The following PDXK variants were observed in gnomAD, a reference collection of about 807,000 sequenced individuals.
The protein encoded by PDXK is epididymis secretory sperm binding protein Li 1a.
A neutral mutation model predicts 43.2 loss-of-function variants in PDXK; 15 were observed. The observed-to-expected ratio is 0.35, with a 90% CI of 0.23 to 0.53. The LOEUF (loss-of-function observed/expected upper bound fraction) is 0.53. Among genes scored for constraint, PDXK ranks in the 20% least tolerant of loss-of-function variants. The pLI is 0.92. For missense variants in PDXK, 343 were observed against 417.0 expected, an observed-to-expected ratio of 0.82 and a Z score of 1.54; for synonymous variants, 172 against 165.4, an observed-to-expected ratio of 1.04 and a Z score of -0.31.
chr21:43,733,618 G>A, intron 1 of PDXK: 1 of 1,039,854 alleles, frequency 9.6e-7, no homozygotes, highest in Non-Finnish European at 1.2e-6. Context: ...GGAGCCCTTG[G>A]CCTGACTTCT....
chr21:43,741,592 G>A lies in PDXK; in HGVS notation c.143-75G>A, dbSNP rs551690341. 328 of 1,581,848 alleles carry A rather than the reference G, an allele frequency of 2.1e-4. 1 individual carries two copies. In the African/African-American group the frequency reaches 4.0e-3, roughly 19 times the overall value. Reference sequence around the variant, plus strand: ...CACCAGGCAGCCTCAGGGAGAGTGGGCGGGTGTCAAGGGAAGCCCACGGCC... The same window carrying A: ...CACCAGGCAGCCTCAGGGAGAGTGGACGGGTGTCAAGGGAAGCCCACGGCC... On this transcript the variant is annotated intron_variant, in intron 2 of 10. Coordinates refer to ENST00000291565, the MANE Select transcript of PDXK (RefSeq NM_003681.5).
At position 43,732,125 on chromosome 21, in the gene PDXK, C is replaced by T; in HGVS notation, c.88-1944C>T. The T allele has an allele frequency of 7.5e-7, 1 of 1,337,440 alleles. No individual in the cohort carries two copies. The highest frequency in any genetic ancestry group is 9.6e-7 in the Non-Finnish European group (1 of 1,043,238). The allele number at this position is 1,337,440 out of a possible 1,614,324, so 82.8% of individuals were successfully genotyped here. A position where few individuals can be genotyped will look rare whatever the true frequency, so the allele number is the denominator to read the frequency against. On this transcript the variant is annotated intron_variant, in intron 1 of 10. Transcript: ENST00000291565. This position sits in a 1 kb window ranked among gnomAD's most constrained non-coding sequence, Gnocchi z 4.1. ...AAGAAGAGCACTGCTGACAGAAGCC[C>T]ATTCTCTTCGCAGGCTTCAGTTTCA...
chr21:43,751,554 AAAAACAAAAC>A (rs921854601), intron 7 of PDXK, among the ~76,000 whole-genome samples: 56 of 152,330 alleles, frequency 3.7e-4, no homozygotes, highest in Middle Eastern at 6.8e-3. Flanking sequence ...CTCCATCTCA[AAAAACAAAAC>A]AAAACAAAAC....
At chr21:43,748,033 C>T (rs1018668683) in intron 5 of PDXK, among the ~76,000 whole-genome samples, 1 of 152,218 alleles carries the variant, frequency 6.6e-6, no homozygotes, top group African/African-American at 2.4e-5. Flanking sequence ...GACATGCCTC[C>T]TGTGGGGCCT....
intron 9 of PDXK, 34 bp from the exon 10 acceptor site, chr21:43,755,664 G>T: frequency 4.5e-6 from 7 of 1,570,374 alleles, no homozygotes; most frequent in Non-Finnish European, 6.1e-6. Context: ...GTTGTGAGTG[G>T]GCCAGGGGCA....
At chr21:43,726,870 T>C (rs548948176) in intron 1 of PDXK, among the ~76,000 whole-genome samples, 1 of 152,214 alleles carries the variant, frequency 6.6e-6, no homozygotes, top group African/African-American at 2.4e-5. Flanking sequence ...TGTGTGTGTA[T>C]GTGGGTGTGC....
chr21:43,740,011 C>T (rs1312211078), intron 2 of PDXK, among the ~76,000 whole-genome samples: 2 of 151,912 alleles, frequency 1.3e-5, no homozygotes, highest in African/African-American at 2.4e-5. Flanking sequence ...ACCTGCCCCT[C>T]CTGACCCCAG....
rs538130314 is a variant in PDXK, at chr21:43,755,300, C to T, written c.760-398C>T. Among the ~76,000 whole-genome samples the T allele has an allele frequency of 7.2e-5, 11 of 152,198 alleles. No homozygotes were observed. In the South Asian group the frequency reaches 2.3e-3, roughly 32 times the overall value. On this transcript the variant is annotated intron_variant, in intron 9 of 10. Transcript: ENST00000291565. ...TGAGGCATCACTGAGTGATGATTGG[C>T]TGACTCTGAGGCATCACTGAGTGAT...
chr21:43,719,979 C>G, intron 1 of PDXK: 1 of 940,360 alleles, frequency 1.1e-6, no homozygotes, highest in Non-Finnish European at 1.3e-6. Context: ...AGGGGCTGCT[C>G]TGCACCCTCT....
At position 43,750,920 on chromosome 21, in the gene PDXK, A is replaced by G. The variant is rs2876906; in HGVS notation, c.510+375A>G. 3.6e-3 allele frequency among the ~76,000 whole-genome samples: 362 copies of G among 100,988 alleles called. 1 individual carries two copies. The highest frequency in any genetic ancestry group is 0.011 in the African/African-American group (305 of 27,944). The allele number at this position is 100,988 out of a possible 152,430, so 66.3% of individuals were successfully genotyped here. On this transcript the variant is annotated intron_variant, in intron 7 of 10. Coordinates refer to ENST00000291565, the MANE Select transcript of PDXK (RefSeq NM_003681.5). ...GGCATGGGTGTGCACGCATGTGTGC[A>G]TGTGTGTGCGTATGTGTGCACGTGT...
chr21:43,755,776 G>A lies in PDXK; in HGVS notation c.826+12G>A, dbSNP rs560080145. ...CCAGTGTGCAAAAGGTACGGCGGCC[G>A]GGCTGCATGGGCTGCGTGGGCTCCT... is the stretch of plus-strand genomic sequence containing the variant. On this transcript the variant is annotated intron_variant, in intron 10 of 10. Transcript: ENST00000291565. The A allele has an allele frequency of 3.0e-5, 48 of 1,609,510 alleles. No homozygotes were observed. The South Asian group carries it at 3.7e-4, about 13-fold the overall frequency.
intron 1 of PDXK, among the ~76,000 whole-genome samples, chr21:43,731,417 T>G (rs2083316291): frequency 6.6e-6 from 1 of 152,154 alleles, no homozygotes; most frequent in Non-Finnish European, 1.5e-5. Flanking sequence ...TGCCCGAGGG[T>G]GAGCGGGGTC....
chr21:43,755,496 T>C (rs996283456), intron 9 of PDXK: 2 of 592,454 alleles, frequency 3.4e-6, no homozygotes, highest in African/African-American at 3.7e-5. Flanking sequence ...ACCGGGCATC[T>C]GCTCAGCCCT....
Position 43,732,319 on chromosome 21 carries a change from C to T in PDXK, c.88-1750C>T. The T allele has an allele frequency of 6.2e-7, 1 of 1,603,794 alleles. No individual in the cohort carries two copies. Among genetic ancestry groups the T allele is most frequent in the South Asian group, 1.1e-5 (1 of 90,110 alleles). ...CAGGCTCCCGTCCTGGACCTTGGCACCCCGCCCCCCGTGCATTGTCGTCTT... is the reference window on the plus strand; with the variant it reads ...CAGGCTCCCGTCCTGGACCTTGGCATCCCGCCCCCCGTGCATTGTCGTCTT... On this transcript the variant is annotated intron_variant, in intron 1 of 10. Transcript: ENST00000291565. The surrounding 1 kb of genome is among the most constrained non-coding windows in gnomAD (Gnocchi z 4.1).
intron 4 of PDXK, among the ~76,000 whole-genome samples, chr21:43,745,419 C>CA (rs112185301): frequency 1.6e-3 from 163 of 99,774 alleles, no homozygotes; most frequent in South Asian, 3.1e-3. Flanking sequence ...GACTCCATCT[C>CA]AAAAAAAAAA....
At position 43,761,253 on chromosome 21, in the gene PDXK, G is replaced by C. The variant is rs1183504452; in HGVS notation, c.*5190G>C. On this transcript the variant is annotated 3_prime_UTR_variant, in exon 11 of 11. Transcript: ENST00000291565. ...GTGGGAACAGCACCCCCAAATGCCA[G>C]CCTCTCCTTTCTTCCCATCCACCAG... The C allele has an allele frequency of 2.0e-5, 3 of 152,236 alleles. No homozygotes were observed. The highest frequency in any genetic ancestry group is 7.2e-5 in the African/African-American group (3 of 41,440). The allele number at this position is 152,236 out of a possible 1,614,324, so 9.4% of individuals were successfully genotyped here. A position where few individuals can be genotyped will look rare whatever the true frequency, so the allele number is the denominator to read the frequency against.
At position 43,758,365 on chromosome 21, in the gene PDXK, G is replaced by A. The variant is rs761826707; in HGVS notation, c.*2302G>A. On this transcript the variant is annotated 3_prime_UTR_variant, in exon 11 of 11. Coordinates refer to ENST00000291565, the MANE Select transcript of PDXK (RefSeq NM_003681.5). ...CCGAACCAGGAGAGGCCTGGGCTGCGACTAAGGAGAAAGAAATCGGGGGTT... is the reference window on the plus strand; with the variant it reads ...CCGAACCAGGAGAGGCCTGGGCTGCAACTAAGGAGAAAGAAATCGGGGGTT... 2.0e-5 allele frequency: 3 copies of A among 153,542 alleles called. No individual in the cohort carries two copies. Among genetic ancestry groups the A allele is most frequent in the African/African-American group, 4.8e-5 (2 of 41,444 alleles). The allele number at this position is 153,542 out of a possible 1,614,324, so 9.5% of individuals were successfully genotyped here.
chr21:43,734,236 G>T lies in PDXK; in HGVS notation c.142+113G>T, dbSNP rs1056041683. 2 of 971,502 alleles carry T rather than the reference G, an allele frequency of 2.1e-6. No individual in the cohort carries two copies. Among genetic ancestry groups the T allele is most frequent in the East Asian group, 2.4e-5 (1 of 40,874 alleles). The allele number at this position is 971,502 out of a possible 1,614,324, so 60.2% of individuals were successfully genotyped here. A position where few individuals can be genotyped will look rare whatever the true frequency, so the allele number is the denominator to read the frequency against. On this transcript the variant is annotated intron_variant, in intron 2 of 10. Coordinates refer to ENST00000291565, the MANE Select transcript of PDXK (RefSeq NM_003681.5). This position sits in a 1 kb window ranked among gnomAD's most constrained non-coding sequence, Gnocchi z 5.0. ...TGTGGGTGTGAGGGACGGGGCTTTC[G>T]TGTGGACGGGGACCTGGAGTCCTGG... is the stretch of plus-strand genomic sequence containing the variant.
At chr21:43,724,105 T>G (rs961931607) in intron 1 of PDXK, among the ~76,000 whole-genome samples, 2 of 152,326 alleles carry the variant, frequency 1.3e-5, no homozygotes, top group South Asian at 4.1e-4. Context: ...ATCTGGGGCC[T>G]GCAGGCAGCC....
Sources: gnomAD v4.1 joint callset for allele counts (sites outside exome capture counted in the v4.1 genomes callset) on GRCh38, gnomAD v4.1.1 for gene constraint, Gnocchi (gnomAD v3.1) non-coding constraint, MANE v1.5 for transcripts, NCBI Gene and HGNC (gene_info 2026-07-23, HGNC 2026-07-21) for gene names.